Variants in DOCK5 observed in about 807,000 individuals in gnomAD.
DOCK5 encodes dedicator of cytokinesis 5.
Under a neutral mutation model 251.8 loss-of-function variants are expected in DOCK5, and 142 were observed. The observed-to-expected ratio is 0.56, with a 90% CI of 0.49 to 0.65. The LOEUF is 0.65. Among genes scored for constraint, DOCK5 ranks in the 30% least tolerant of loss-of-function variants. The pLI is 0.00. For missense variants in DOCK5, 2,111 were observed against 2,312.3 expected (o/e 0.91, Z 1.79); for synonymous variants, 842 against 835.5 (o/e 1.01, Z -0.13).
chr8:25,314,285 T>TA (rs1436443331), intron 13 of DOCK5, among the ~76,000 whole-genome samples: 4 of 133,000 alleles, frequency 3.0e-5, no homozygotes, highest in African/African-American at 1.1e-4. Flanking sequence ...CTAATTTAAT[T>TA]TTTTTTTTTT....
At chr8:25,249,924 T>C (rs1803223949) in intron 2 of DOCK5, among the ~76,000 whole-genome samples, 1 of 152,248 alleles carries the variant, frequency 6.6e-6, no homozygotes, top group African/African-American at 2.4e-5. Context: ...TTTTCATTGC[T>C]GAGTAATATG....
In DOCK5 at chr8:25,299,036, C is replaced by A; in HGVS notation, c.699C>A (p.Cys233Ter). The change falls in exon 8 of 52, where the codon TGC (cysteine) becomes TGA (stop). Residue 233 changes from cysteine to a stop codon, truncating the protein, a stop_gained. Transcript: ENST00000276440. LOFTEE classifies it high-confidence loss of function. Reference sequence around the variant, plus strand: ...ATGTGAACTTCAAGAACTTTGTCTGCAACATCGGGGAAGATGCAGAGTTGT... The same window carrying A: ...ATGTGAACTTCAAGAACTTTGTCTGAAACATCGGGGAAGATGCAGAGTTGT... Reference protein sequence around the residue: ...GLYVNFKNFVCNIGEDAELFM... With the variant: ...GLYVNFKNFV 1 of 1,613,924 alleles carries A rather than the reference C, an allele frequency of 6.2e-7. No individual in the cohort carries two copies. The highest frequency in any genetic ancestry group is 8.5e-7 in the Non-Finnish European group (1 of 1,179,870).
At chr8:25,255,934 T>A (rs1419482721) in intron 2 of DOCK5, among the ~76,000 whole-genome samples, 1 of 152,206 alleles carries the variant, frequency 6.6e-6, no homozygotes, top group Non-Finnish European at 1.5e-5. Context: ...GTTTCACCCA[T>A]GGAGTTGAAT....
At chr8:25,192,583 G>A (rs1348062626) in intron 1 of DOCK5, among the ~76,000 whole-genome samples, 1 of 152,094 alleles carries the variant, frequency 6.6e-6, no homozygotes. Context: ...TCGGCTCACT[G>A]CTGCCTGGAC....
intron 1 of DOCK5, among the ~76,000 whole-genome samples, chr8:25,206,198 T>G (rs903894787): frequency 4.6e-5 from 7 of 152,114 alleles, no homozygotes; most frequent in African/African-American, 1.4e-4. Context: ...AAGTGGATAA[T>G]GAGGAAGTTG....
intron 45 of DOCK5, among the ~76,000 whole-genome samples, chr8:25,397,411 G>A (rs1377988923): frequency 6.6e-6 from 1 of 152,136 alleles, no homozygotes. Flanking sequence ...TTCATGGGTG[G>A]TGACATCTAT....
At chr8:25,392,059 T>G in intron 43 of DOCK5, 79 bp downstream of exon 43, 7 of 1,347,992 alleles carry the variant, frequency 5.2e-6, no homozygotes, top group South Asian at 1.3e-5. Flanking sequence ...ATCCCAGCAT[T>G]CTGGGAGGCC....
intron 1 of DOCK5, among the ~76,000 whole-genome samples, chr8:25,229,705 A>G (rs1056801289): frequency 1.3e-5 from 2 of 152,182 alleles, no homozygotes; most frequent in Non-Finnish European, 2.9e-5. Flanking sequence ...TCAGAGGGTC[A>G]TTCTAACCCT....
intron 1 of DOCK5, among the ~76,000 whole-genome samples, chr8:25,220,324 G>T (rs546536017): frequency 6.6e-6 from 1 of 152,122 alleles, no homozygotes; most frequent in Non-Finnish European, 1.5e-5. Context: ...GATGCTCTGT[G>T]TATGGCTAGG....
intron 5 of DOCK5, among the ~76,000 whole-genome samples, chr8:25,285,886 C>T (rs953268728): frequency 6.6e-6 from 1 of 152,104 alleles, no homozygotes; most frequent in Admixed American, 6.5e-5. Context: ...CAAGATGTGG[C>T]GTGGGACTGA....
chr8:25,337,877 G>A (rs1002852942), intron 22 of DOCK5, among the ~76,000 whole-genome samples: 7 of 152,026 alleles, frequency 4.6e-5, no homozygotes, highest in South Asian at 2.1e-4. Flanking sequence ...GAGCCACTGC[G>A]CCTGGCCCGA....
intron 28 of DOCK5, among the ~76,000 whole-genome samples, chr8:25,362,437 TTTTTCTTTTCTTTTC>T (rs140170700): frequency 1.3e-4 from 16 of 125,408 alleles, no homozygotes; most frequent in African/African-American, 3.7e-4. Flanking sequence ...TTTTTTTCCT[TTTTTCTTTTCTTTTC>T]TTTTCTTTTC....
chr8:25,254,292 TA>T (rs1325556632), intron 2 of DOCK5, among the ~76,000 whole-genome samples: 3 of 152,172 alleles, frequency 2.0e-5, no homozygotes, highest in African/African-American at 7.2e-5. Context: ...TCTTAGAATA[TA>T]ATAACATGGA....
At chr8:25,360,605 C>T (rs939847904) in intron 28 of DOCK5, among the ~76,000 whole-genome samples, 1 of 152,172 alleles carries the variant, frequency 6.6e-6, no homozygotes, top group Non-Finnish European at 1.5e-5. Flanking sequence ...TCAGTCTCCT[C>T]ATCTGTAAGA....
intron 2 of DOCK5, among the ~76,000 whole-genome samples, chr8:25,253,444 G>C (rs569585480): frequency 3.9e-5 from 6 of 152,256 alleles, no homozygotes; most frequent in African/African-American, 1.4e-4. Context: ...ACACATACCT[G>C]CTCACAGCTG....
rs1802116760 is a variant in DOCK5, at chr8:25,210,893, G to GA, written c.43+25943dup. Reference sequence around the variant, plus strand: ...CTGAATGAGGGGAGGGGGAAGGGAGGAGGGAGAGGTGGGAGACAGGTTGAG... The same window carrying GA: ...CTGAATGAGGGGAGGGGGAAGGGAGGAAGGGAGAGGTGGGAGACAGGTTGAG... On this transcript the variant is annotated intron_variant, in intron 1 of 51. Transcript: ENST00000276440. 3.1e-5 allele frequency among the ~76,000 whole-genome samples: 2 copies of GA among 65,508 alleles called. 1 individual carries two copies. Among genetic ancestry groups the GA allele is most frequent in the South Asian group, 9.1e-4 (2 of 2,200 alleles). The allele number at this position is 65,508 out of a possible 152,430, so 43.0% of individuals were successfully genotyped here. A position where few individuals can be genotyped will look rare whatever the true frequency, so the allele number is the denominator to read the frequency against.
intron 1 of DOCK5, among the ~76,000 whole-genome samples, chr8:25,229,262 AC>A (rs1384551108): frequency 6.6e-6 from 1 of 152,116 alleles, no homozygotes; most frequent in Non-Finnish European, 1.5e-5. Flanking sequence ...CAGGCAGATC[AC>A]CTGAGGTTAG....
chr8:25,414,909 C>CTTTTTTTTTTTTTTTTTTTTTT lies in DOCK5; in HGVS notation c.*3624_*3625insTTTTTTTTTTTTTTTTTTTTTT, dbSNP rs56338302. On this transcript the variant is annotated 3_prime_UTR_variant, in exon 52 of 52. Coordinates refer to ENST00000276440, the MANE Select transcript of DOCK5 (RefSeq NM_024940.8). ...ATTTGTAGTCAGTCCCTGGGCCTGT[C>CTTTTTTTTTTTTTTTTTTTTTT]TTTTTTTTTTTTTAATTTTGAAGCT... The CTTTTTTTTTTTTTTTTTTTTTT allele has an allele frequency of 2.1e-5, 2 of 96,602 alleles. No homozygotes were observed. The highest frequency in any genetic ancestry group is 3.7e-5 in the African/African-American group (1 of 27,096). 6.0% of individuals were successfully genotyped at this position (96,602 alleles called of 1,614,324 possible). A position where few individuals can be genotyped will look rare whatever the true frequency, so the allele number is the denominator to read the frequency against.
chr8:25,341,591 A>G (rs1805956868), intron 23 of DOCK5, 148 bp from the exon 24 acceptor site: 3 of 684,378 alleles, frequency 4.4e-6, no homozygotes, highest in Admixed American at 2.9e-5. Context: ...GTGTAGAGCA[A>G]TGCCAGCTTT....
Sources: allele counts gnomAD v4.1 joint callset (sites outside exome capture counted in the v4.1 genomes callset), GRCh38; gene constraint gnomAD v4.1.1; transcripts MANE v1.5; gene names NCBI Gene and HGNC (gene_info 2026-07-23, HGNC 2026-07-21).